The following MPPED1 variants were observed in gnomAD, a reference collection of about 807,000 sequenced individuals.
MPPED1 encodes the protein metallophosphoesterase domain containing 1.
MPPED1 carries 16 observed loss-of-function variants against 36.2 expected under a neutral mutation model. The observed-to-expected ratio is 0.44, with a 90% CI of 0.30 to 0.67. The LOEUF is 0.67. MPPED1 is among the 30% of genes least tolerant of loss of function. The pLI, the probability that MPPED1 is intolerant of heterozygous loss-of-function variation, is 0.10. For missense variants in MPPED1, 307 were observed against 453.4 expected, an observed-to-expected ratio of 0.68 and a Z score of 2.93; for synonymous variants, 199 against 191.3, an observed-to-expected ratio of 1.04 and a Z score of -0.33.
intron 6 of MPPED1, among the ~76,000 whole-genome samples, chr22:43,504,842 A>G (rs950746914): frequency 3.6e-5 from 5 of 139,662 alleles, no homozygotes; most frequent in Admixed American, 3.0e-4. Context: ...GTGATGATAG[A>G]TAGCATTAGT....
chr22:43,475,007 C>A (rs762839260), intron 4 of MPPED1, 46 bp downstream of exon 4: 3 of 1,572,620 alleles, frequency 1.9e-6, no homozygotes, highest in Admixed American at 3.3e-5. Flanking sequence ...GAGACCAGAG[C>A]TGAGGCTGAG....
intron 1 of MPPED1, among the ~76,000 whole-genome samples, chr22:43,420,261 C>T (rs1223172832): frequency 1.3e-5 from 2 of 152,206 alleles, no homozygotes; most frequent in African/African-American, 4.8e-5. Flanking sequence ...AGAAGCATGC[C>T]AGTGACCCAT....
At chr22:43,415,252 A>AG (rs1929040992) in intron 1 of MPPED1, among the ~76,000 whole-genome samples, 1 of 147,898 alleles carries the variant, frequency 6.8e-6, no homozygotes, top group South Asian at 2.2e-4. Context: ...AAAAAAGGAA[A>AG]GAAACAAAAA....
intron 4 of MPPED1, among the ~76,000 whole-genome samples, chr22:43,497,272 C>A (rs1932448948): frequency 6.6e-6 from 1 of 151,898 alleles, no homozygotes; most frequent in African/African-American, 2.4e-5. Context: ...CTTGTGGAAT[C>A]ATGTATGGGT....
At chr22:43,483,835 C>T (rs528738040) in intron 4 of MPPED1, among the ~76,000 whole-genome samples, 6 of 152,330 alleles carry the variant, frequency 3.9e-5, no homozygotes, top group East Asian at 1.9e-4. Context: ...GGCCACTTTA[C>T]GTGAGTTTCT....
At chr22:43,472,368 A>G (rs1931404677) in intron 3 of MPPED1, among the ~76,000 whole-genome samples, 1 of 152,168 alleles carries the variant, frequency 6.6e-6, no homozygotes, top group Non-Finnish European at 1.5e-5. Flanking sequence ...GTACATTTCC[A>G]TTGATTATCT....
At chr22:43,469,898 C>T (rs1931307586) in intron 3 of MPPED1, among the ~76,000 whole-genome samples, 3 of 147,736 alleles carry the variant, frequency 2.0e-5, no homozygotes, top group South Asian at 4.2e-4. Context: ...TATAAACCAT[C>T]TATCCGTCCA....
At chr22:43,464,291 C>G (rs987513273) in intron 3 of MPPED1, among the ~76,000 whole-genome samples, 7 of 143,832 alleles carry the variant, frequency 4.9e-5, no homozygotes, top group African/African-American at 1.3e-4. Flanking sequence ...TTGGTCAGCT[C>G]TGTGTGTGTG....
At chr22:43,445,785 G>A (rs575283968) in intron 3 of MPPED1, among the ~76,000 whole-genome samples, 1 of 151,604 alleles carries the variant, frequency 6.6e-6, no homozygotes, top group South Asian at 2.1e-4. Context: ...GCCCAGGCTG[G>A]TCTCGAACTC....
At chr22:43,484,938 G>A (rs777701194) in intron 4 of MPPED1, among the ~76,000 whole-genome samples, 1 of 152,222 alleles carries the variant, frequency 6.6e-6, no homozygotes, top group Non-Finnish European at 1.5e-5. Context: ...CCAACGTGCA[G>A]CATCAGTTAC....
At chr22:43,479,993 T>C (rs1931699066) in intron 4 of MPPED1, among the ~76,000 whole-genome samples, 1 of 152,068 alleles carries the variant, frequency 6.6e-6, no homozygotes, top group South Asian at 2.1e-4. Flanking sequence ...CTCCCAAGTA[T>C]CTGGGACCAC....
chr22:43,420,962 T>A (rs1269416098), intron 1 of MPPED1, among the ~76,000 whole-genome samples: 1 of 152,184 alleles, frequency 6.6e-6, no homozygotes, highest in Non-Finnish European at 1.5e-5. Flanking sequence ...ATTCATTCAT[T>A]CCATCCATCC....
intron 1 of MPPED1, among the ~76,000 whole-genome samples, chr22:43,423,207 CAA>C (rs1224888745): frequency 6.6e-6 from 1 of 152,228 alleles, no homozygotes; most frequent in Admixed American, 6.5e-5. Flanking sequence ...GGTCACACAG[CAA>C]GTCAGCCATG....
At chr22:43,471,902 T>A (rs1477556463) in intron 3 of MPPED1, among the ~76,000 whole-genome samples, 2 of 151,904 alleles carry the variant, frequency 1.3e-5, no homozygotes, top group Non-Finnish European at 2.9e-5. Flanking sequence ...GTCAGGGAGG[T>A]GGAAGGGGCT....
intron 4 of MPPED1, among the ~76,000 whole-genome samples, chr22:43,488,973 G>A (rs572250637): frequency 3.4e-4 from 52 of 152,282 alleles, no homozygotes; most frequent in African/African-American, 9.6e-4. Context: ...CCTCAGCGTC[G>A]TATCTCAGGC....
chr22:43,478,555 T>G (rs1931646844), intron 4 of MPPED1, among the ~76,000 whole-genome samples: 1 of 152,034 alleles, frequency 6.6e-6, no homozygotes, highest in Non-Finnish European at 1.5e-5. Flanking sequence ...GGCAGCTAAG[T>G]GCAGCTGAAA....
intron 4 of MPPED1, among the ~76,000 whole-genome samples, chr22:43,487,480 T>G (rs1931949468): frequency 6.6e-6 from 1 of 152,252 alleles, no homozygotes; most frequent in East Asian, 1.9e-4. Flanking sequence ...CGCCGAGGGC[T>G]GGGCTTGTCC....
chr22:43,431,474 G>C (rs1929686167), intron 2 of MPPED1, among the ~76,000 whole-genome samples: 1 of 152,114 alleles, frequency 6.6e-6, no homozygotes, highest in South Asian at 2.1e-4. Flanking sequence ...GCAGGTCCCT[G>C]GCATTTAGAG....
intron 3 of MPPED1, among the ~76,000 whole-genome samples, chr22:43,445,575 T>A (rs1280366134): frequency 6.7e-6 from 1 of 150,252 alleles, no homozygotes; most frequent in African/African-American, 2.5e-5. Flanking sequence ...TTTTTTTTTT[T>A]TTGCAGACAG....
Sources: allele counts gnomAD v4.1 joint callset (sites outside exome capture counted in the v4.1 genomes callset), GRCh38; gene constraint gnomAD v4.1.1; transcripts MANE v1.5; gene names NCBI Gene and HGNC (gene_info 2026-07-23, HGNC 2026-07-21).